Variants in SPAG16 observed in about 807,000 individuals in gnomAD.
The protein encoded by SPAG16 is sperm-associated antigen 16 protein.
SPAG16 carries 86 observed loss-of-function variants against 80.4 expected under a neutral mutation model. The observed-to-expected ratio is 1.07, with a 90% CI of 0.90 to 1.28. The LOEUF is 1.28. Ranked by LOEUF, SPAG16 falls within the 50% of genes most tolerant of loss-of-function variation. The pLI, the probability that SPAG16 is intolerant of heterozygous loss-of-function variation, is 0.00. For synonymous variants in SPAG16, 294 were observed against 265.9 expected, an observed-to-expected ratio of 1.11 and a Z score of -1.03; for missense variants, 870 against 765.3, an observed-to-expected ratio of 1.14 and a Z score of -1.61.
intron 10 of SPAG16, among the ~76,000 whole-genome samples, chr2:213,630,618 C>A (rs898821677): frequency 1.3e-5 from 2 of 152,030 alleles, no homozygotes; most frequent in African/African-American, 2.4e-5. Context: ...TCATTGATGG[C>A]TGATTAATGA....
chr2:213,866,670 T>G (rs1426381897), intron 11 of SPAG16, among the ~76,000 whole-genome samples: 2 of 152,088 alleles, frequency 1.3e-5, no homozygotes, highest in Non-Finnish European at 2.9e-5. Flanking sequence ...GAATGGTGCT[T>G]ACAGGAAATA....
At chr2:214,083,339 A>G (rs1480219963) in intron 13 of SPAG16, among the ~76,000 whole-genome samples, 3 of 152,062 alleles carry the variant, frequency 2.0e-5, no homozygotes, top group Non-Finnish European at 4.4e-5. Context: ...ATCAGTCTTT[A>G]TTCCTCTCCT....
intron 10 of SPAG16, among the ~76,000 whole-genome samples, chr2:213,638,516 G>A (rs2062457859): frequency 6.6e-6 from 1 of 152,022 alleles, no homozygotes; most frequent in South Asian, 2.1e-4. Flanking sequence ...GACCATTCAG[G>A]AGCAGATTAT....
At chr2:213,377,336 T>G (rs1477275731) in intron 9 of SPAG16, among the ~76,000 whole-genome samples, 1 of 152,230 alleles carries the variant, frequency 6.6e-6, no homozygotes, top group Non-Finnish European at 1.5e-5. Context: ...ATAACAACTT[T>G]ATTTATGTGA....
chr2:214,290,195 T>A (rs1693688797), intron 15 of SPAG16, among the ~76,000 whole-genome samples: 1 of 152,220 alleles, frequency 6.6e-6, no homozygotes, highest in African/African-American at 2.4e-5. Context: ...GGTTTTCCAG[T>A]ATTTTAGCAT....
chr2:213,884,328 T>C lies in SPAG16; in HGVS notation c.1214+21700T>C, dbSNP rs182678585. 7.9e-5 allele frequency among the ~76,000 whole-genome samples: 12 copies of C among 152,318 alleles called. 1 individual carries two copies. Among genetic ancestry groups the C allele is most frequent in the Admixed American group, 7.8e-4 (12 of 15,308 alleles). ...GTCTTTCCTTTAAGGATGCTAAAAA[T>C]TGTCCCAGAATCTCTTCTTGCTTTT... On this transcript the variant is annotated intron_variant, in intron 11 of 15. Coordinates refer to ENST00000331683, the MANE Select transcript of SPAG16 (RefSeq NM_024532.5).
In SPAG16 at chr2:213,679,133, C is replaced by T. The variant is rs529406976; in HGVS notation, c.1071-183352C>T. ...TGGATACCTGGGGGTGAATCAATGT[C>T]TAACCTAATTCTAAATATAAATTTA... On this transcript the variant is annotated intron_variant, in intron 10 of 15. Transcript: ENST00000331683. 1.4e-4 allele frequency among the ~76,000 whole-genome samples: 22 copies of T among 152,260 alleles called. 1 individual carries two copies. In the South Asian group the frequency reaches 4.6e-3, roughly 32 times the overall value.
intron 9 of SPAG16, among the ~76,000 whole-genome samples, chr2:213,390,538 A>G (rs561836254): frequency 9.8e-5 from 15 of 152,290 alleles, no homozygotes; most frequent in East Asian, 3.9e-4. Flanking sequence ...TCTTAATTCA[A>G]ATGTCAAAGG....
intron 11 of SPAG16, among the ~76,000 whole-genome samples, chr2:213,887,935 T>G (rs1046390919): frequency 6.6e-5 from 10 of 151,864 alleles, no homozygotes; most frequent in African/African-American, 2.2e-4. Flanking sequence ...AATATGTACT[T>G]TTCTGTTCTG....
intron 9 of SPAG16, among the ~76,000 whole-genome samples, chr2:213,401,112 T>C (rs1414826810): frequency 6.6e-6 from 1 of 152,202 alleles, no homozygotes; most frequent in African/African-American, 2.4e-5. Context: ...CCCAGCTGTT[T>C]CCTGATTATT....
At chr2:213,629,422 G>A (rs1490094708) in intron 10 of SPAG16, among the ~76,000 whole-genome samples, 1 of 152,186 alleles carries the variant, frequency 6.6e-6, no homozygotes, top group East Asian at 1.9e-4. Flanking sequence ...TATTCCGTCA[G>A]TCTCTTGTGT....
At chr2:213,436,226 T>C (rs551929395) in intron 9 of SPAG16, among the ~76,000 whole-genome samples, 36 of 152,296 alleles carry the variant, frequency 2.4e-4, no homozygotes, top group Non-Finnish European at 4.6e-4. Context: ...TAGGAATAAA[T>C]TGGGCAATTA....
chr2:214,196,604 T>C (rs1160824316), intron 15 of SPAG16, among the ~76,000 whole-genome samples: 2 of 151,958 alleles, frequency 1.3e-5, no homozygotes, highest in African/African-American at 4.8e-5. Context: ...GCTCAGAAAC[T>C]GCAAAGAAAA....
At chr2:214,236,845 C>A (rs1245078546) in intron 15 of SPAG16, among the ~76,000 whole-genome samples, 1 of 152,024 alleles carries the variant, frequency 6.6e-6, no homozygotes, top group Non-Finnish European at 1.5e-5. Context: ...TAAGAAATAA[C>A]CATAAGGCTA....
chr2:213,980,501 A>G (rs1332754078), intron 12 of SPAG16, among the ~76,000 whole-genome samples: 1 of 139,288 alleles, frequency 7.2e-6, no homozygotes. Flanking sequence ...TATAGAATAT[A>G]TGTGTATATA....
At chr2:214,167,669 A>G in intron 15 of SPAG16, among the ~76,000 whole-genome samples, 1 of 152,092 alleles carries the variant, frequency 6.6e-6, no homozygotes. Flanking sequence ...TACTGCAGTC[A>G]TTTTTGAAAA....
At chr2:213,367,392 T>G (rs1457421981) in intron 8 of SPAG16, among the ~76,000 whole-genome samples, 1 of 152,244 alleles carries the variant, frequency 6.6e-6, no homozygotes, top group Admixed American at 6.5e-5. Flanking sequence ...TGAACTAGTT[T>G]ACAGTCCCAC....
chr2:213,790,262 T>A (rs1235987319), intron 10 of SPAG16, among the ~76,000 whole-genome samples: 18 of 151,916 alleles, frequency 1.2e-4, no homozygotes, highest in Admixed American at 1.2e-3. Context: ...TCCAAAATTA[T>A]CTTTTCAGCT....
At chr2:214,033,794 TCCAAATATACC>T (rs1188316529) in intron 13 of SPAG16, among the ~76,000 whole-genome samples, 6 of 152,256 alleles carry the variant, frequency 3.9e-5, no homozygotes, top group African/African-American at 1.4e-4. Context: ...TAAATACACC[TCCAAATATACC>T]AGGGTATAAT....
Sources: allele counts gnomAD v4.1 joint callset (sites outside exome capture counted in the v4.1 genomes callset), GRCh38; gene constraint gnomAD v4.1.1; transcripts MANE v1.5; gene names NCBI Gene and HGNC (gene_info 2026-07-23, HGNC 2026-07-21).